BCKDHB: variants seen among roughly 807,000 people sequenced by gnomAD.
The protein encoded by BCKDHB is branched chain keto acid dehydrogenase E1 subunit beta.
Under a neutral mutation model 48.5 loss-of-function variants are expected in BCKDHB, and 41 were observed. The ratio of observed to expected loss-of-function variants is 0.85; its 90% CI spans 0.66 to 1.10. The LOEUF (loss-of-function observed/expected upper bound fraction) is 1.10. BCKDHB is among the 50% of genes least tolerant of loss of function. BCKDHB has a pLI of 0.00. For missense variants in BCKDHB, 496 were observed against 494.2 expected (o/e 1.00, Z -0.03); for synonymous variants, 201 against 174.8 (o/e 1.15, Z -1.18).
the BCKDHB span, among the ~76,000 whole-genome samples, chr6:80,399,384 T>C: frequency 2.0e-5 from 3 of 152,104 alleles, no homozygotes; most frequent in East Asian, 5.8e-4. Flanking sequence ...CTTTAGCTGA[T>C]AAAAAACTTC....
chr6:80,374,554 G>A, the BCKDHB span: 2 of 699,474 alleles, frequency 2.9e-6, no homozygotes, highest in Non-Finnish European at 5.4e-6. Flanking sequence ...TCCCGGTCAA[G>A]TGTATAGGGC....
chr6:80,239,964 C>T (rs910747378), intron 8 of BCKDHB, among the ~76,000 whole-genome samples: 38 of 152,106 alleles, frequency 2.5e-4, no homozygotes, highest in African/African-American at 8.7e-4. Flanking sequence ...TGGTCTATAT[C>T]TCTGTTTTGG....
At chr6:80,125,084 G>A (rs772128606) in intron 1 of BCKDHB, among the ~76,000 whole-genome samples, 8 of 152,138 alleles carry the variant, frequency 5.3e-5, no homozygotes, top group African/African-American at 1.7e-4. Context: ...CTTTTGTTTA[G>A]TATAGCCACC....
chr6:80,443,715 G>T, the BCKDHB span, among the ~76,000 whole-genome samples: 11 of 151,866 alleles, frequency 7.2e-5, no homozygotes, highest in African/African-American at 2.7e-4. Flanking sequence ...TCATCATGTT[G>T]CCCAGGCTAG....
chr6:80,129,428 T>C (rs1770517370), intron 3 of BCKDHB, among the ~76,000 whole-genome samples, 199 bp downstream of exon 3: 1 of 152,216 alleles, frequency 6.6e-6, no homozygotes, highest in Non-Finnish European at 1.5e-5. Flanking sequence ...CTAGTTCATA[T>C]TACACATACA....
At chr6:80,394,766 A>G in the BCKDHB span, among the ~76,000 whole-genome samples, 1 of 152,124 alleles carries the variant, frequency 6.6e-6, no homozygotes, top group Non-Finnish European at 1.5e-5. Context: ...CCTGCCTGAT[A>G]TGGTTTGGGT....
At chr6:80,131,322 C>T (rs1454342396) in intron 3 of BCKDHB, among the ~76,000 whole-genome samples, 1 of 152,196 alleles carries the variant, frequency 6.6e-6, no homozygotes, top group Non-Finnish European at 1.5e-5. Flanking sequence ...AAATATATGC[C>T]TCCTAGTGCA....
the BCKDHB span, among the ~76,000 whole-genome samples, chr6:80,461,774 C>A: frequency 1.3e-5 from 2 of 152,144 alleles, no homozygotes; most frequent in African/African-American, 4.8e-5. Context: ...CTGGAATAAT[C>A]TCTTTGTTGG....
intron 6 of BCKDHB, among the ~76,000 whole-genome samples, chr6:80,185,717 C>T (rs1773611648): frequency 6.6e-6 from 1 of 152,172 alleles, no homozygotes; most frequent in Non-Finnish European, 1.5e-5. Flanking sequence ...CTCAGCGGGG[C>T]TGCTGGGCTC....
At chr6:80,275,759 G>T (rs1048011067) in intron 9 of BCKDHB, among the ~76,000 whole-genome samples, 1 of 151,760 alleles carries the variant, frequency 6.6e-6, no homozygotes, top group Admixed American at 6.6e-5. Context: ...CTTTCATGCA[G>T]ATATTCAACT....
chr6:80,449,068 T>G, the BCKDHB span, among the ~76,000 whole-genome samples: 2 of 152,190 alleles, frequency 1.3e-5, no homozygotes, highest in Admixed American at 1.3e-4. Flanking sequence ...TCCCCAGTTA[T>G]CACAGAAAAA....
intron 8 of BCKDHB, among the ~76,000 whole-genome samples, chr6:80,222,629 T>C (rs1775509473): frequency 6.6e-6 from 1 of 152,192 alleles, no homozygotes. Flanking sequence ...TGGAGTTGTC[T>C]TCTTAGTGTT....
chr6:80,398,186 G>A, the BCKDHB span, among the ~76,000 whole-genome samples: 1 of 151,734 alleles, frequency 6.6e-6, no homozygotes. Context: ...GGAAGCCAGA[G>A]CAAACAAATC....
intron 1 of BCKDHB, among the ~76,000 whole-genome samples, chr6:80,126,202 G>A (rs62406050): frequency 0.06 from 9,082 of 152,210 alleles, 380 homozygotes; most frequent in Non-Finnish European, 0.092. Flanking sequence ...ATCTGACTGG[G>A]GATTGCCAAG....
intron 6 of BCKDHB, among the ~76,000 whole-genome samples, chr6:80,188,570 TGGA>T (rs1382463896): frequency 6.6e-6 from 1 of 151,632 alleles, no homozygotes; most frequent in Non-Finnish European, 1.5e-5. Context: ...GCCTGGGAGG[TGGA>T]GGTTGCAAGT....
chr6:80,140,883 C>T (rs1771168972), intron 3 of BCKDHB, among the ~76,000 whole-genome samples: 1 of 152,078 alleles, frequency 6.6e-6, no homozygotes, highest in South Asian at 2.1e-4. Context: ...GGAATGGTAC[C>T]AGTTCCTCCT....
chr6:80,421,348 C>A, the BCKDHB span, among the ~76,000 whole-genome samples: 1 of 152,102 alleles, frequency 6.6e-6, no homozygotes, highest in Non-Finnish European at 1.5e-5. Context: ...TTATAAATTA[C>A]CCAGTCTCTG....
chr6:80,317,729 CCTTT>C (rs1768523044), intron 9 of BCKDHB, among the ~76,000 whole-genome samples: 1 of 152,160 alleles, frequency 6.6e-6, no homozygotes. Flanking sequence ...TATCACAATC[CCTTT>C]CTCTTTTCCT....
At chr6:80,452,939 C>T in the BCKDHB span, among the ~76,000 whole-genome samples, 1 of 152,098 alleles carries the variant, frequency 6.6e-6, no homozygotes, top group Non-Finnish European at 1.5e-5. Context: ...TCTTGTCTGC[C>T]ACGAATTACA....
Sources: gnomAD v4.1 joint callset for allele counts (sites outside exome capture counted in the v4.1 genomes callset) on GRCh38, gnomAD v4.1.1 for gene constraint, MANE v1.5 for transcripts, NCBI Gene and HGNC (gene_info 2026-07-23, HGNC 2026-07-21) for gene names.